Variants in SBF2 observed in about 807,000 individuals in gnomAD.
SBF2 encodes the protein myotubularin-related protein 13.
A neutral mutation model predicts 225.2 loss-of-function variants in SBF2; 112 were observed. The ratio of observed to expected loss-of-function variants is 0.50; its 90% CI spans 0.43 to 0.58. The LOEUF (loss-of-function observed/expected upper bound fraction) is 0.58, where lower values mean the gene tolerates loss of function less well. Among genes scored for constraint, SBF2 ranks in the 20% least tolerant of loss-of-function variants. The pLI is 0.00. For missense variants in SBF2, 1,996 were observed against 2,206.2 expected (o/e 0.90, Z 1.91); for synonymous variants, 763 against 773.3 (o/e 0.99, Z 0.22).
intron 2 of SBF2, among the ~76,000 whole-genome samples, chr11:10,097,933 C>T (rs778188620): frequency 1.3e-5 from 2 of 151,904 alleles, no homozygotes; most frequent in Non-Finnish European, 2.9e-5. Flanking sequence ...ACAGAAGACT[C>T]GGAGGAGAAG....
At chr11:9,843,571 T>A (rs1383363957) in intron 24 of SBF2, among the ~76,000 whole-genome samples, 2 of 152,234 alleles carry the variant, frequency 1.3e-5, no homozygotes, top group East Asian at 3.8e-4. Context: ...AGACTGTTCT[T>A]GATTATATTC....
intron 16 of SBF2, chr11:9,959,548 G>A (rs117398158): frequency 6.5e-4 from 511 of 781,046 alleles, no homozygotes; most frequent in Non-Finnish European, 9.7e-4. Context: ...CTTGTGGAAG[G>A]GGTCCCAAAA....
chr11:9,882,806 A>AC (rs1402639299), intron 17 of SBF2, among the ~76,000 whole-genome samples: 3 of 83,464 alleles, frequency 3.6e-5, no homozygotes, highest in Non-Finnish European at 6.6e-5. Flanking sequence ...AAAAAAAAAA[A>AC]AAAAAAAAAA....
intron 16 of SBF2, among the ~76,000 whole-genome samples, chr11:9,952,715 G>T: frequency 6.6e-6 from 1 of 151,992 alleles, no homozygotes; most frequent in Non-Finnish European, 1.5e-5. Flanking sequence ...TTAACCACAG[G>T]TTACTCCATC....
intron 13 of SBF2, among the ~76,000 whole-genome samples, chr11:9,973,990 A>AT (rs1946566927): frequency 6.6e-6 from 1 of 152,060 alleles, no homozygotes; most frequent in Non-Finnish European, 1.5e-5. Context: ...AGTGACACAA[A>AT]TTTTTTTTCT....
chr11:10,190,144 T>G (rs1957104078), intron 2 of SBF2, among the ~76,000 whole-genome samples: 1 of 37,156 alleles, frequency 2.7e-5, no homozygotes. Context: ...AGAGTGAAAC[T>G]CCGTCTAAAA....
chr11:9,845,459 G>C (rs1856473164), intron 24 of SBF2, 106 bp downstream of exon 24: 1 of 1,020,516 alleles, frequency 9.8e-7, no homozygotes, highest in African/African-American at 1.6e-5. Flanking sequence ...AAACAGAACA[G>C]TGAATGAAAA....
intron 2 of SBF2, among the ~76,000 whole-genome samples, chr11:10,110,380 A>T (rs1361684252): frequency 2.0e-5 from 3 of 152,170 alleles, no homozygotes; most frequent in African/African-American, 7.2e-5. Flanking sequence ...CAGTAGCCAT[A>T]CTAATTAAAA....
chr11:10,189,380 A>G (rs181935020), intron 2 of SBF2, among the ~76,000 whole-genome samples: 2 of 152,330 alleles, frequency 1.3e-5, no homozygotes, highest in Admixed American at 1.3e-4. Context: ...AACAGTATTT[A>G]CATCTATGTC....
chr11:9,912,210 G>C (rs943821723), intron 16 of SBF2, among the ~76,000 whole-genome samples: 2 of 150,484 alleles, frequency 1.3e-5, no homozygotes, highest in Admixed American at 6.7e-5. Context: ...AGCTACTCGG[G>C]AGGCTGAGGC....
At chr11:10,003,335 G>A (rs1948052230) in intron 6 of SBF2, among the ~76,000 whole-genome samples, 1 of 151,378 alleles carries the variant, frequency 6.6e-6, no homozygotes, top group South Asian at 2.1e-4. Context: ...AGAGATAAAT[G>A]TGGTATCTTA....
intron 1 of SBF2, among the ~76,000 whole-genome samples, chr11:10,216,879 ATT>A (rs148117830): frequency 1.4e-5 from 2 of 139,924 alleles, no homozygotes; most frequent in African/African-American, 5.4e-5. Context: ...CAAAATAGTA[ATT>A]TTTAAAAAAA....
At chr11:10,294,554 C>T (rs1480520036), upstream of SBF2, among the ~76,000 whole-genome samples, 1 of 152,248 alleles carries the variant, frequency 6.6e-6, no homozygotes, top group Non-Finnish European at 1.5e-5. Context: ...TGGCTGCTTC[C>T]TCTGCTCCCC....
At chr11:9,847,463 G>C (rs938853252) in intron 22 of SBF2, among the ~76,000 whole-genome samples, 1 of 150,154 alleles carries the variant, frequency 6.7e-6, no homozygotes, top group Admixed American at 6.7e-5. Flanking sequence ...CCAACCTACT[G>C]TGTGCCACAT....
chr11:9,979,445 T>C (rs1364373107), intron 13 of SBF2, among the ~76,000 whole-genome samples: 1 of 152,202 alleles, frequency 6.6e-6, no homozygotes, highest in Non-Finnish European at 1.5e-5. Flanking sequence ...CTGTAATTAC[T>C]TCTACACAGC....
chr11:9,796,509 G>A (rs1394608966), intron 32 of SBF2, among the ~76,000 whole-genome samples: 1 of 152,204 alleles, frequency 6.6e-6, no homozygotes, highest in Non-Finnish European at 1.5e-5. Context: ...GAAGGTGGCT[G>A]CTTAAGGGGA....
intron 2 of SBF2, among the ~76,000 whole-genome samples, chr11:10,151,309 G>C (rs1955177044): frequency 6.6e-6 from 1 of 152,080 alleles, no homozygotes; most frequent in Non-Finnish European, 1.5e-5. Context: ...TCGCTGATTA[G>C]GGAGGAAGAG....
chr11:9,883,769 G>C (rs1008520626), intron 17 of SBF2, among the ~76,000 whole-genome samples: 1 of 152,122 alleles, frequency 6.6e-6, no homozygotes, highest in African/African-American at 2.4e-5. Flanking sequence ...GAATCAACAG[G>C]TGTGATAAAT....
intron 16 of SBF2, among the ~76,000 whole-genome samples, chr11:9,953,017 A>G (rs1865948314): frequency 6.6e-6 from 1 of 152,258 alleles, no homozygotes; most frequent in Non-Finnish European, 1.5e-5. Context: ...TTGATCCAGC[A>G]ATGTATCTAC....
Sources: allele counts gnomAD v4.1 joint callset (sites outside exome capture counted in the v4.1 genomes callset), GRCh38; gene constraint gnomAD v4.1.1; transcripts MANE v1.5; gene names NCBI Gene and HGNC (gene_info 2026-07-23, HGNC 2026-07-21).